The following CYTH3 variants were observed in gnomAD, a reference collection of about 807,000 sequenced individuals.
CYTH3 encodes cytohesin 3.
A neutral mutation model predicts 55.1 loss-of-function variants in CYTH3; 23 were observed. The ratio of observed to expected loss-of-function variants is 0.42; its 90% CI spans 0.30 to 0.59. The LOEUF (loss-of-function observed/expected upper bound fraction) is 0.59. Ranked by LOEUF, CYTH3 falls within the 20% of genes least tolerant of loss-of-function variation. The pLI, the probability that CYTH3 is intolerant of heterozygous loss-of-function variation, is 0.20. For synonymous variants in CYTH3, 249 were observed against 194.9 expected, an observed-to-expected ratio of 1.28 and a Z score of -2.31; for missense variants, 413 against 524.8, an observed-to-expected ratio of 0.79 and a Z score of 2.08.
At chr7:6,187,395 G>C (rs541623504) in intron 3 of CYTH3, among the ~76,000 whole-genome samples, 1 of 152,232 alleles carries the variant, frequency 6.6e-6, no homozygotes, top group African/African-American at 2.4e-5. Flanking sequence ...TAATTTCTGT[G>C]CGGGTCAACC....
At chr7:6,174,767 T>C (rs1783300878) in intron 5 of CYTH3, among the ~76,000 whole-genome samples, 2 of 151,562 alleles carry the variant, frequency 1.3e-5, no homozygotes, top group Admixed American at 1.3e-4. Context: ...CAGGATGGTC[T>C]AGATCTCCTA....
chr7:6,187,251 A>G lies in CYTH3; in HGVS notation c.183-135T>C, dbSNP rs1783678442. The stretch of plus-strand genomic sequence containing the variant: ...CACAGGCCCTCACGGAGGGGCCCCC[A>G]GTCTCCGCAGTGGCGGCAGGGGTGG... On this transcript the variant is annotated intron_variant, in intron 3 of 12. Transcript: ENST00000350796. 4.8e-6 allele frequency: 4 copies of G among 835,324 alleles called. No individual in the cohort carries two copies. In the East Asian group the frequency reaches 9.9e-5, roughly 21 times the overall value. 51.7% of individuals were successfully genotyped at this position (835,324 alleles called of 1,614,324 possible).
intron 5 of CYTH3, among the ~76,000 whole-genome samples, chr7:6,177,176 G>A (rs1783372465): frequency 6.6e-6 from 1 of 152,226 alleles, no homozygotes; most frequent in Non-Finnish European, 1.5e-5. Flanking sequence ...TGGCCTCAGA[G>A]AATGAGTCGG....
At chr7:6,186,045 C>A (rs1783639562) in intron 4 of CYTH3, among the ~76,000 whole-genome samples, 1 of 151,818 alleles carries the variant, frequency 6.6e-6, no homozygotes, top group Non-Finnish European at 1.5e-5. Context: ...GAGATCAAGA[C>A]CATCCTGGCT....
At position 6,164,653 on chromosome 7, in the gene CYTH3, C is replaced by G. The variant is rs1782933047; in HGVS notation, c.*291G>C. The stretch of plus-strand genomic sequence containing the variant: ...CCGGGATGGTCGCAGGAAGGAAATG[C>G]TTCTGGACATGCGCAGCCGACCATG... On this transcript the variant is annotated 3_prime_UTR_variant, in exon 13 of 13. Coordinates refer to ENST00000350796, the MANE Select transcript of CYTH3 (RefSeq NM_004227.4). The G allele has an allele frequency of 1.9e-5, 9 of 470,592 alleles. No homozygotes were observed. The East Asian group carries it at 3.6e-4, about 19-fold the overall frequency. The allele number at this position is 470,592 out of a possible 1,614,324, so 29.2% of individuals were successfully genotyped here.
chr7:6,217,430 T>C (rs1402577400), intron 1 of CYTH3, among the ~76,000 whole-genome samples: 4 of 152,148 alleles, frequency 2.6e-5, no homozygotes, highest in Non-Finnish European at 5.9e-5. Context: ...TGTGGCTATA[T>C]TAATAAAACA....
At chr7:6,202,822 T>C (rs761319611) in intron 1 of CYTH3, among the ~76,000 whole-genome samples, 13 of 152,202 alleles carry the variant, frequency 8.5e-5, no homozygotes, top group Non-Finnish European at 2.9e-5. Flanking sequence ...AAGTAACTGA[T>C]ACATTTACAA....
At position 6,171,232 on chromosome 7, in the gene CYTH3, G is replaced by A. The variant is rs368016139; in HGVS notation, c.532C>T (p.Leu178=). 5 of 1,614,176 alleles carry A rather than the reference G, an allele frequency of 3.1e-6. No homozygotes were observed. Among genetic ancestry groups the A allele is most frequent in the Admixed American group, 1.7e-5 (1 of 60,028 alleles). Residue 178 remains leucine, a synonymous_variant, in exon 7 of 13, where the codon CTG becomes TTG. Coordinates refer to ENST00000350796, the MANE Select transcript of CYTH3 (RefSeq NM_004227.4). This position sits in a 1 kb window ranked among gnomAD's most constrained non-coding sequence, Gnocchi z 6.7. ...GACTGGAAGACCCCGGGGTTGCACAGGCAGTAGCGAGAAGCGAAAGCCTCC... is the reference window on the plus strand; with the variant it reads ...GACTGGAAGACCCCGGGGTTGCACAAGCAGTAGCGAGAAGCGAAAGCCTCC... The part of the protein sequence containing the change: ...MMEAFASRYC[L]CNPGVFQSTD...
chr7:6,211,884 G>T (rs1434311136), intron 1 of CYTH3, among the ~76,000 whole-genome samples: 2 of 151,800 alleles, frequency 1.3e-5, no homozygotes, highest in Admixed American at 1.3e-4. Context: ...TACTCAGGAG[G>T]CTGAGGCACA....
intron 4 of CYTH3, among the ~76,000 whole-genome samples, chr7:6,186,491 C>T (rs1202960629): frequency 6.6e-6 from 1 of 152,148 alleles, no homozygotes; most frequent in African/African-American, 2.4e-5. Context: ...GAGTGTCTCC[C>T]TAGAAAATCC....
At chr7:6,248,737 A>T (rs866898544) in intron 1 of CYTH3, among the ~76,000 whole-genome samples, 11 of 152,170 alleles carry the variant, frequency 7.2e-5, no homozygotes, top group Admixed American at 6.5e-5. Context: ...ACATCTCCAT[A>T]TGTTCCTCAC....
rs760462463 is a variant in CYTH3, at chr7:6,169,743, C to G, written c.823+792G>C. Among the ~76,000 whole-genome samples the G allele has an allele frequency of 6.6e-6, 1 of 152,196 alleles. No individual in the cohort carries two copies. The highest frequency in any genetic ancestry group is 6.5e-5 in the Admixed American group (1 of 15,282). On this transcript the variant is annotated intron_variant, in intron 9 of 12. Transcript: ENST00000350796. This position sits in a 1 kb window ranked among gnomAD's most constrained non-coding sequence, Gnocchi z 4.1. ...AAGGCCTTTAGAGCACTCCCGAAAT[C>G]TCTCCATGCGCTGCTGGGTTAGTAT... is the stretch of plus-strand genomic sequence containing the variant.
chr7:6,261,654 T>C (rs10271600), intron 1 of CYTH3, among the ~76,000 whole-genome samples: 16,938 of 138,946 alleles, frequency 0.12, 2,660 homozygotes, highest in African/African-American at 0.38. Flanking sequence ...AGCCTGACTG[T>C]GCTTCAGCTT....
In CYTH3 at chr7:6,162,180, A is replaced by T. The variant is rs1285716266; in HGVS notation, c.*2764T>A. On this transcript the variant is annotated 3_prime_UTR_variant, in exon 13 of 13. Coordinates refer to ENST00000350796, the MANE Select transcript of CYTH3 (RefSeq NM_004227.4). ...TATTTTCAGTTTGGTACCACATTAA[A>T]CTGCCCCAAAATGTTCTGTGACCCC... 3 of 152,540 alleles carry T rather than the reference A, an allele frequency of 2.0e-5. No individual in the cohort carries two copies. The highest frequency in any genetic ancestry group is 2.9e-5 in the Non-Finnish European group (2 of 68,038). The allele number at this position is 152,540 out of a possible 1,614,324, so 9.4% of individuals were successfully genotyped here.
At chr7:6,184,735 C>T (rs565204989) in intron 4 of CYTH3, among the ~76,000 whole-genome samples, 5 of 152,224 alleles carry the variant, frequency 3.3e-5, no homozygotes, top group African/African-American at 7.2e-5. Context: ...CCCACCACCA[C>T]GCCCAGCTAA....
At chr7:6,179,069 C>T (rs569777459) in intron 4 of CYTH3, among the ~76,000 whole-genome samples, 2 of 152,316 alleles carry the variant, frequency 1.3e-5, no homozygotes, top group Admixed American at 1.3e-4. Flanking sequence ...ACGGTCCATC[C>T]AGAAATTTCC....
intron 1 of CYTH3, among the ~76,000 whole-genome samples, chr7:6,198,008 C>T (rs1306089669): frequency 6.7e-6 from 1 of 150,184 alleles, no homozygotes; most frequent in Non-Finnish European, 1.5e-5. Context: ...GTGGGGGGAT[C>T]GCTTGAGCCC....
At chr7:6,188,921 C>G (rs79561092) in intron 2 of CYTH3, 1 of 152,190 alleles carries the variant, frequency 6.6e-6, no homozygotes, top group Non-Finnish European at 1.5e-5. Context: ...AATTACCTTT[C>G]AAATACAAAG....
intron 1 of CYTH3, among the ~76,000 whole-genome samples, chr7:6,222,099 A>T (rs557043019): frequency 6.6e-6 from 1 of 152,220 alleles, no homozygotes; most frequent in Non-Finnish European, 1.5e-5. Flanking sequence ...ATTCCAGGGA[A>T]AAGCAGCAGG....
Sources: gnomAD v4.1 joint callset for allele counts (sites outside exome capture counted in the v4.1 genomes callset) on GRCh38, gnomAD v4.1.1 for gene constraint, Gnocchi (gnomAD v3.1) non-coding constraint, MANE v1.5 for transcripts, NCBI Gene and HGNC (gene_info 2026-07-23, HGNC 2026-07-21) for gene names.